The following EIPR1 variants were observed in gnomAD, a reference collection of about 807,000 sequenced individuals.
EIPR1 encodes EARP and GARP complex-interacting protein 1.
A neutral mutation model predicts 48.1 loss-of-function variants in EIPR1; 25 were observed. The ratio of observed to expected loss-of-function variants is 0.52; its 90% confidence interval spans 0.38 to 0.73. EIPR1 has a LOEUF of 0.73. EIPR1 is among the 30% of genes least tolerant of loss of function. The pLI is 0.00. For synonymous variants in EIPR1, 204 were observed against 201.9 expected, an observed-to-expected ratio of 1.01 and a Z score of -0.09; for missense variants, 415 against 506.2, an observed-to-expected ratio of 0.82 and a Z score of 1.73.
chr2:3,255,830 TAC>T (rs1491127728), intron 4 of EIPR1, among the ~76,000 whole-genome samples: 26 of 8,372 alleles, frequency 3.1e-3, no homozygotes, highest in Admixed American at 4.7e-3. Context: ...TGTGCACACA[TAC>T]GTGTGCACAG....
At chr2:3,227,881 G>C (rs968364251) in intron 4 of EIPR1, among the ~76,000 whole-genome samples, 9 of 152,260 alleles carry the variant, frequency 5.9e-5, no homozygotes, top group African/African-American at 2.2e-4. Context: ...TACCGAGCCC[G>C]TGGGTGAAAA....
chr2:3,240,780 C>T (rs556429570), intron 4 of EIPR1, among the ~76,000 whole-genome samples: 26 of 148,764 alleles, frequency 1.7e-4, no homozygotes, highest in African/African-American at 5.5e-4. Flanking sequence ...GCAAAGCCAG[C>T]AGATCCCTCC....
At position 3,214,195 on chromosome 2, in the gene EIPR1, T is replaced by C; in HGVS notation, c.470A>G (p.Asn157Ser). 1 of 1,613,928 alleles carries C rather than the reference T, an allele frequency of 6.2e-7. No individual in the cohort carries two copies. The highest frequency in any genetic ancestry group is 8.5e-7 in the Non-Finnish European group (1 of 1,179,932). Residue 157 changes from asparagine (N) to serine (S), a missense_variant, in exon 5 of 9, where the codon AAC becomes AGC. By Grantham distance (46) the Asn-to-Ser change is conservative. Transcript: ENST00000382125. ...CTGTAAATCCCACAGCAGGATATGG[T>C]TATCAGCCAAGGAAATGATTTTCTT... is the stretch of plus-strand genomic sequence containing the variant. The part of the protein sequence containing the change: ...DGKKIISLAD[N>S]HILLWDLQES...
chr2:3,261,698 G>A (rs772789820), intron 3 of EIPR1: 1 of 152,244 alleles, frequency 6.6e-6, no homozygotes, highest in Non-Finnish European at 1.5e-5. Context: ...TAAAGTCCTA[G>A]GCAGGGCCTG....
At chr2:3,296,277 CCA>C (rs1167683352) in intron 3 of EIPR1, among the ~76,000 whole-genome samples, 2 of 124,912 alleles carry the variant, frequency 1.6e-5, no homozygotes, top group Non-Finnish European at 1.7e-5. Flanking sequence ...CCCATCCTCA[CCA>C]CACACAGACA....
chr2:3,190,149 T>C (rs1012955248), intron 8 of EIPR1, among the ~76,000 whole-genome samples: 1 of 152,104 alleles, frequency 6.6e-6, no homozygotes, highest in Non-Finnish European at 1.5e-5. Context: ...TTACCCTCAC[T>C]GGGAGCCCTG....
intron 4 of EIPR1, among the ~76,000 whole-genome samples, chr2:3,227,481 G>A (rs1666100984): frequency 6.6e-6 from 1 of 152,200 alleles, no homozygotes; most frequent in Admixed American, 6.5e-5. Context: ...GCATTCAAGA[G>A]GAAGCAGAGC....
At chr2:3,311,366 C>G (rs1475416169) in intron 3 of EIPR1, among the ~76,000 whole-genome samples, 1 of 151,812 alleles carries the variant, frequency 6.6e-6, no homozygotes, top group Non-Finnish European at 1.5e-5. Flanking sequence ...GATTTCTTTT[C>G]ACATTAAAAA....
At chr2:3,350,117 CAAAAAAAAAAAAA>C (rs35912767) in intron 2 of EIPR1, among the ~76,000 whole-genome samples, 9 of 57,462 alleles carry the variant, frequency 1.6e-4, no homozygotes, top group African/African-American at 2.3e-4. Flanking sequence ...GACTCTGTCT[CAAAAAAAAAAAAA>C]AAAAAAAAAA....
intron 1 of EIPR1, among the ~76,000 whole-genome samples, chr2:3,376,116 GA>G (rs1227700519): frequency 6.6e-6 from 1 of 150,876 alleles, no homozygotes; most frequent in East Asian, 2.0e-4. Context: ...TTCTACAAAG[GA>G]AAAAAAAGGA....
At chr2:3,264,507 C>T (rs1667428311) in intron 3 of EIPR1, among the ~76,000 whole-genome samples, 1 of 152,198 alleles carries the variant, frequency 6.6e-6, no homozygotes, top group Non-Finnish European at 1.5e-5. Context: ...GCTCCAAGCA[C>T]TGCTAGGGAA....
At chr2:3,363,912 T>C (rs1572487279) in intron 1 of EIPR1, among the ~76,000 whole-genome samples, 1 of 151,406 alleles carries the variant, frequency 6.6e-6, no homozygotes, top group Middle Eastern at 3.2e-3. Context: ...TATGAAAACA[T>C]GCCCAACATC....
intron 4 of EIPR1, among the ~76,000 whole-genome samples, chr2:3,240,765 C>T (rs1196259844): frequency 6.6e-6 from 1 of 150,464 alleles, no homozygotes; most frequent in Non-Finnish European, 1.5e-5. Context: ...TAGATCCCTC[C>T]TAAAGCAAAG....
At chr2:3,237,433 G>T (rs1470037378) in intron 4 of EIPR1, among the ~76,000 whole-genome samples, 1 of 152,092 alleles carries the variant, frequency 6.6e-6, no homozygotes, top group Non-Finnish European at 1.5e-5. Context: ...ATTGTTACAG[G>T]TGTTCTATTT....
intron 5 of EIPR1, chr2:3,208,019 T>C (rs4854137): frequency 0.92 from 141,123 of 153,216 alleles, 65,235 homozygotes; most frequent in East Asian, 0.98. Flanking sequence ...TTGTCTGAAA[T>C]CCCTGGCTAT....
intron 4 of EIPR1, among the ~76,000 whole-genome samples, chr2:3,220,324 G>A (rs942053441): frequency 2.0e-5 from 3 of 150,280 alleles, no homozygotes; most frequent in East Asian, 2.0e-4. Context: ...ACAGTGAGTC[G>A]GGGACACACG....
intron 4 of EIPR1, among the ~76,000 whole-genome samples, chr2:3,234,728 C>T (rs918122497): frequency 2.0e-5 from 3 of 152,270 alleles, no homozygotes; most frequent in Non-Finnish European, 2.9e-5. Context: ...AGCCCCACTC[C>T]GCGGAAGCCT....
chr2:3,325,168 G>A (rs1037840161), intron 3 of EIPR1, among the ~76,000 whole-genome samples: 32 of 152,326 alleles, frequency 2.1e-4, no homozygotes, highest in African/African-American at 7.5e-4. Context: ...GCCAAGCTCT[G>A]GGCTCCCTGC....
In EIPR1 at chr2:3,309,574, C is replaced by T. The variant is rs552166762; in HGVS notation, c.259+28443G>A. Among the ~76,000 whole-genome samples the T allele has an allele frequency of 1.5e-3, 235 of 152,266 alleles. 1 individual carries two copies. Among genetic ancestry groups the T allele is most frequent in the Non-Finnish European group, 2.6e-3 (180 of 68,024 alleles). On this transcript the variant is annotated intron_variant, in intron 3 of 8. Coordinates refer to ENST00000382125, the MANE Select transcript of EIPR1 (RefSeq NM_003310.5). ...GAGGGAATAAACACACGCACATAAA[C>T]ACACAACCCAGCTCCATACGGCCTA...
Sources: allele counts gnomAD v4.1 joint callset (sites outside exome capture counted in the v4.1 genomes callset), GRCh38; gene constraint gnomAD v4.1.1; transcripts MANE v1.5; gene names NCBI Gene and HGNC (gene_info 2026-07-23, HGNC 2026-07-21).